The following FHIP1A variants were observed in gnomAD, a reference collection of about 807,000 sequenced individuals.
FHIP1A encodes FHF complex subunit HOOK-interacting protein 1A.
In FHIP1A, 61 loss-of-function variants were observed where a neutral mutation model predicts 88.6. The observed-to-expected ratio is 0.69, with a 90% CI of 0.56 to 0.85. FHIP1A has a LOEUF of 0.85. Ranked by LOEUF, FHIP1A falls within the 40% of genes least tolerant of loss-of-function variation. The probability of loss-of-function intolerance (pLI) is 0.00; values close to 1 mark genes in which losing one functional copy is unlikely to be tolerated. For missense variants in FHIP1A, 1,154 were observed against 1,273.5 expected (o/e 0.91, Z 1.43); for synonymous variants, 478 against 496.0 (o/e 0.96, Z 0.48).
intron 3 of FHIP1A, among the ~76,000 whole-genome samples, chr4:151,539,917 A>G (rs929873669): frequency 6.6e-6 from 1 of 152,248 alleles, no homozygotes. Context: ...TGGATGTGGA[A>G]GAGAGAACTC....
At chr4:151,463,762 G>A (rs1022377032) in intron 2 of FHIP1A, among the ~76,000 whole-genome samples, 1 of 152,144 alleles carries the variant, frequency 6.6e-6, no homozygotes, top group Non-Finnish European at 1.5e-5. Context: ...TTTGTTCTGT[G>A]TCTCACAGTA....
At chr4:151,570,937 T>C (rs1487016749) in intron 4 of FHIP1A, among the ~76,000 whole-genome samples, 3 of 152,204 alleles carry the variant, frequency 2.0e-5, no homozygotes, top group Non-Finnish European at 4.4e-5. Flanking sequence ...AGTAGTCTAT[T>C]AGAACAGTTT....
chr4:151,453,399 A>G (rs1034756389), intron 1 of FHIP1A, among the ~76,000 whole-genome samples: 12 of 152,156 alleles, frequency 7.9e-5, no homozygotes, highest in Non-Finnish European at 1.2e-4. Context: ...CCACTTAGCT[A>G]TGCAATCTTG....
At chr4:151,484,728 A>G (rs1730017616) in intron 3 of FHIP1A, among the ~76,000 whole-genome samples, 1 of 152,252 alleles carries the variant, frequency 6.6e-6, no homozygotes, top group African/African-American at 2.4e-5. Context: ...TTGTGTTCTC[A>G]GAACAGTGAG....
At chr4:151,516,717 G>C (rs1195824030) in intron 3 of FHIP1A, among the ~76,000 whole-genome samples, 1 of 152,122 alleles carries the variant, frequency 6.6e-6, no homozygotes, top group Non-Finnish European at 1.5e-5. Context: ...ACCATTACTG[G>C]CTATCAGAGA....
At chr4:151,605,887 G>A (rs890726664) in intron 7 of FHIP1A, among the ~76,000 whole-genome samples, 2 of 152,230 alleles carry the variant, frequency 1.3e-5, no homozygotes, top group Admixed American at 6.5e-5. Flanking sequence ...TGGGCGGGCA[G>A]GCTGGAACTC....
At chr4:151,611,884 T>A (rs1735336795) in intron 7 of FHIP1A, among the ~76,000 whole-genome samples, 1 of 152,246 alleles carries the variant, frequency 6.6e-6, no homozygotes, top group Non-Finnish European at 1.5e-5. Flanking sequence ...CATCTCAGTT[T>A]TAAAAACTTC....
chr4:151,655,544 C>A (rs554179131), intron 11 of FHIP1A, among the ~76,000 whole-genome samples: 2 of 152,078 alleles, frequency 1.3e-5, no homozygotes, highest in Non-Finnish European at 2.9e-5. Flanking sequence ...AAACTGACAC[C>A]CTTTTCTCTC....
At chr4:151,659,803 T>C (rs1351506987) in intron 13 of FHIP1A, among the ~76,000 whole-genome samples, 2 of 152,196 alleles carry the variant, frequency 1.3e-5, no homozygotes, top group Non-Finnish European at 2.9e-5. Flanking sequence ...ACGAGCCTCC[T>C]CACTAATGCT....
rs190314917 is a variant in FHIP1A, at chr4:151,522,599, T to C, written c.-123+39951T>C. On this transcript the variant is annotated intron_variant, in intron 3 of 13. Transcript: ENST00000435205. ...TTCACTTCCCTGCCTATTCTTCTAA[T>C]GAGAAATAACCCAGAAGTGGAACAG... 6.6e-5 allele frequency among the ~76,000 whole-genome samples: 10 copies of C among 152,320 alleles called. No homozygotes were observed. In the East Asian group the frequency reaches 1.9e-3, roughly 29 times the overall value.
intron 3 of FHIP1A, among the ~76,000 whole-genome samples, chr4:151,517,624 T>C (rs1731291904): frequency 6.6e-6 from 1 of 152,120 alleles, no homozygotes; most frequent in East Asian, 1.9e-4. Flanking sequence ...ATGCACTGCA[T>C]AAAGATGCCT....
intron 3 of FHIP1A, among the ~76,000 whole-genome samples, chr4:151,555,290 A>T (rs996953266): frequency 6.6e-6 from 1 of 152,178 alleles, no homozygotes; most frequent in African/African-American, 2.4e-5. Flanking sequence ...CAAAAAACAT[A>T]CTTTTCTTGG....
At chr4:151,602,844 G>C (rs1369218432) in intron 7 of FHIP1A, among the ~76,000 whole-genome samples, 1 of 152,120 alleles carries the variant, frequency 6.6e-6, no homozygotes, top group African/African-American at 2.4e-5. Context: ...AGGGAAAGGT[G>C]TGGAGAAAAA....
intron 8 of FHIP1A, 111 bp from the exon 9 acceptor site, chr4:151,638,565 TA>T (rs11450944): frequency 0.084 from 39,713 of 470,582 alleles, 309 homozygotes; most frequent in African/African-American, 0.14. Context: ...TCAAAACTGC[TA>T]AAAAAAAAAA....
intron 4 of FHIP1A, among the ~76,000 whole-genome samples, chr4:151,567,458 G>T (rs552177566): frequency 6.6e-6 from 1 of 151,758 alleles, no homozygotes; most frequent in East Asian, 1.9e-4. Context: ...CCGATTTTTT[G>T]TGCATTCTCT....
At chr4:151,658,554 TTTGAAGCTCAGA>T (rs1737335986) in intron 13 of FHIP1A, among the ~76,000 whole-genome samples, 1 of 152,204 alleles carries the variant, frequency 6.6e-6, no homozygotes, top group South Asian at 2.1e-4. Context: ...TAGAAAATCT[TTTGAAGCTCAGA>T]CTCGGAGCTC....
chr4:151,590,769 T>A (rs1285211008), intron 7 of FHIP1A, among the ~76,000 whole-genome samples: 1 of 152,224 alleles, frequency 6.6e-6, no homozygotes, highest in African/African-American at 2.4e-5. Flanking sequence ...TCTTTACATA[T>A]ATTATGTAAT....
intron 3 of FHIP1A, among the ~76,000 whole-genome samples, chr4:151,515,743 G>A (rs1411482099): frequency 6.6e-6 from 1 of 150,468 alleles, no homozygotes; most frequent in South Asian, 2.1e-4. Context: ...AACTTACAAG[G>A]GATGTGAAGG....
chr4:151,641,569 G>A (rs553894340), intron 9 of FHIP1A, among the ~76,000 whole-genome samples: 2 of 152,204 alleles, frequency 1.3e-5, no homozygotes, highest in South Asian at 4.2e-4. Context: ...TATCATTAGT[G>A]CTAGTGTATT....
Sources: allele counts gnomAD v4.1 joint callset (sites outside exome capture counted in the v4.1 genomes callset), GRCh38; gene constraint gnomAD v4.1.1; transcripts MANE v1.5; gene names NCBI Gene and HGNC (gene_info 2026-07-23, HGNC 2026-07-21).